OTUD7A: variants seen among roughly 807,000 people sequenced by gnomAD.
OTUD7A encodes OTU domain-containing protein 7A.
OTUD7A carries 12 observed loss-of-function variants against 65.7 expected under a neutral mutation model. That is an observed-to-expected ratio of 0.18 (90% CI 0.12 to 0.30). The LOEUF (loss-of-function observed/expected upper bound fraction) is 0.30, where lower values mean the gene tolerates loss of function less well. OTUD7A is among the 10% of genes least tolerant of loss of function. The pLI is 1.00. For synonymous variants in OTUD7A, 641 were observed against 586.3 expected, an observed-to-expected ratio of 1.09 and a Z score of -1.35; for missense variants, 1,148 against 1,304.8, an observed-to-expected ratio of 0.88 and a Z score of 1.85.
At chr15:31,784,488 T>C (rs2140930046) in intron 1 of OTUD7A, among the ~76,000 whole-genome samples, 1 of 152,366 alleles carries the variant, frequency 6.6e-6, no homozygotes, top group Admixed American at 6.5e-5. Flanking sequence ...GAAAAATTTT[T>C]CATAAAAGCT....
Position 31,479,613 on chromosome 15 carries a change from A to G in OTUD7A, c.*3681T>C, listed in dbSNP as rs756627161. On this transcript the variant is annotated 3_prime_UTR_variant, in exon 13 of 13. Transcript: ENST00000307050. ...CCAATGGGAAGTATATTTTAAGTTT[A>G]TTTTTGCAAAGTAGAATAGTTCGCA... 7.4e-6 allele frequency: 1 copy of G among 134,854 alleles called. No individual in the cohort carries two copies. Among genetic ancestry groups the G allele is most frequent in the Non-Finnish European group, 1.5e-5 (1 of 64,880 alleles). 8.4% of individuals were successfully genotyped at this position (134,854 alleles called of 1,614,324 possible). A position where few individuals can be genotyped will look rare whatever the true frequency, so the allele number is the denominator to read the frequency against.
At chr15:31,751,028 C>G (rs1471002567) in intron 1 of OTUD7A, among the ~76,000 whole-genome samples, 1 of 152,052 alleles carries the variant, frequency 6.6e-6, no homozygotes, top group Non-Finnish European at 1.5e-5. Context: ...AAAGAACTTA[C>G]GACTAAGTCC....
At chr15:31,647,095 C>A (rs1025178097) in intron 3 of OTUD7A, among the ~76,000 whole-genome samples, 24 of 152,166 alleles carry the variant, frequency 1.6e-4, no homozygotes, top group Admixed American at 3.9e-4. Context: ...GCAGAGCTCT[C>A]TCTAGTGGGA....
intron 1 of OTUD7A, chr15:31,766,273 G>A: frequency 1.9e-6 from 3 of 1,600,980 alleles, no homozygotes; most frequent in Admixed American, 1.7e-5. Context: ...ATTGCATCAT[G>A]AAGTTTGGGC....
At chr15:31,624,403 T>C (rs1456061303) in intron 3 of OTUD7A, among the ~76,000 whole-genome samples, 2 of 152,140 alleles carry the variant, frequency 1.3e-5, no homozygotes, top group South Asian at 2.1e-4. Flanking sequence ...AGAGGACACA[T>C]AGAAACAGAA....
chr15:31,731,064 G>T (rs561001280), intron 1 of OTUD7A, among the ~76,000 whole-genome samples: 1 of 152,304 alleles, frequency 6.6e-6, no homozygotes, highest in East Asian at 1.9e-4. Flanking sequence ...CAGGGGATGT[G>T]CAGCACCAGA....
chr15:31,614,993 T>C (rs1050156482), intron 3 of OTUD7A, among the ~76,000 whole-genome samples: 2 of 152,088 alleles, frequency 1.3e-5, no homozygotes, highest in African/African-American at 2.4e-5. Flanking sequence ...ACCAAAAGAA[T>C]AGTAAAGGAA....
At chr15:31,586,384 C>T (rs1005840629) in intron 3 of OTUD7A, among the ~76,000 whole-genome samples, 1 of 152,200 alleles carries the variant, frequency 6.6e-6, no homozygotes, top group African/African-American at 2.4e-5. Context: ...GATAGCAAGT[C>T]CTAGAAGGAC....
chr15:31,645,161 C>A (rs927252566), intron 3 of OTUD7A, among the ~76,000 whole-genome samples: 3 of 152,216 alleles, frequency 2.0e-5, no homozygotes, highest in Non-Finnish European at 2.9e-5. Context: ...GTTCCCCCTC[C>A]CTGTACCACG....
Position 31,677,514 on chromosome 15 carries a change from G to C in OTUD7A, c.-99-20437C>G, listed in dbSNP as rs369729868. On this transcript the variant is annotated intron_variant, in intron 1 of 12. Transcript: ENST00000307050. ...ATCAGGTGGAGGTAATTGGATCATG[G>C]GGGTGGTTTCCCCCATGCTGTTCTC... 1.3e-4 allele frequency among the ~76,000 whole-genome samples: 20 copies of C among 152,238 alleles called. No homozygotes were observed. The East Asian group carries it at 2.1e-3, about 16-fold the overall frequency.
intron 5 of OTUD7A, among the ~76,000 whole-genome samples, chr15:31,542,670 T>C (rs1472474559): frequency 6.6e-6 from 1 of 151,940 alleles, no homozygotes; most frequent in Non-Finnish European, 1.5e-5. Flanking sequence ...ATAAAATTAA[T>C]GTCTTCCTTA....
chr15:31,674,603 G>A (rs1308149908), intron 1 of OTUD7A, among the ~76,000 whole-genome samples: 1 of 152,088 alleles, frequency 6.6e-6, no homozygotes, highest in Non-Finnish European at 1.5e-5. Context: ...AATGCAATTG[G>A]TAAAAGCCCG....
At chr15:31,786,242 T>G (rs979954943) in intron 1 of OTUD7A, among the ~76,000 whole-genome samples, 1 of 152,308 alleles carries the variant, frequency 6.6e-6, no homozygotes, top group Middle Eastern at 3.4e-3. Flanking sequence ...CCTACTTTCA[T>G]GTATCCTAGG....
intron 10 of OTUD7A, among the ~76,000 whole-genome samples, chr15:31,493,853 G>A (rs2041350205): frequency 6.6e-6 from 1 of 150,726 alleles, no homozygotes. Context: ...TGTAGTTACA[G>A]CAGTACTTAG....
chr15:31,808,136 C>CACACACAAAAA (rs772574742), intron 1 of OTUD7A, among the ~76,000 whole-genome samples: 24 of 119,510 alleles, frequency 2.0e-4, no homozygotes, highest in East Asian at 7.1e-4. Flanking sequence ...CACACACACA[C>CACACACAAAAA]AAACAAATCC....
intron 3 of OTUD7A, among the ~76,000 whole-genome samples, chr15:31,627,245 C>T (rs1890988820): frequency 8.1e-6 from 1 of 122,876 alleles, no homozygotes; most frequent in African/African-American, 3.0e-5. Context: ...CCCCCCTCCC[C>T]CCACCCCACA....
rs181434040 is a variant in OTUD7A at position 31,480,083 on chromosome 15, A to C, written c.*3211T>G. The C allele has an allele frequency of 2.0e-5, 3 of 152,202 alleles. No individual in the cohort carries two copies. Among genetic ancestry groups the C allele is most frequent in the African/African-American group, 7.2e-5 (3 of 41,540 alleles). The allele number at this position is 152,202 out of a possible 1,614,324, so 9.4% of individuals were successfully genotyped here. On this transcript the variant is annotated 3_prime_UTR_variant, in exon 13 of 13. Transcript: ENST00000307050. ...GGAGCCCACAGTGGAGCTCCTTCCC[A>C]CCTCCAGTTACCCTTCCAAGGGACA...
rs550529052 is a variant in OTUD7A, at chr15:31,678,857, C to T, written c.-99-21780G>A. On this transcript the variant is annotated intron_variant, in intron 1 of 12. Coordinates refer to ENST00000307050, the MANE Select transcript of OTUD7A (RefSeq NM_001382637.1). ...GCTTAGTGGAGCTGTGAGAAGAGAGCCACTATTCTCCAGATCCCAGAATCG... is the reference window on the plus strand; with the variant it reads ...GCTTAGTGGAGCTGTGAGAAGAGAGTCACTATTCTCCAGATCCCAGAATCG... Among the ~76,000 whole-genome samples, 4 of 152,314 alleles carry T rather than the reference C, an allele frequency of 2.6e-5. No individual in the cohort carries two copies. In the East Asian group the frequency reaches 7.7e-4, roughly 29 times the overall value.
intron 1 of OTUD7A, among the ~76,000 whole-genome samples, chr15:31,709,127 T>G (rs577007915): frequency 6.6e-6 from 1 of 151,624 alleles, no homozygotes; most frequent in African/African-American, 2.4e-5. Context: ...CAGGAAGAGC[T>G]GTGTGCGCTC....
Sources: gnomAD v4.1 joint callset for allele counts (sites outside exome capture counted in the v4.1 genomes callset) on GRCh38, gnomAD v4.1.1 for gene constraint, MANE v1.5 for transcripts, NCBI Gene and HGNC (gene_info 2026-07-23, HGNC 2026-07-21) for gene names.